The following LCORL variants were observed in gnomAD, a reference collection of about 807,000 sequenced individuals.
The protein encoded by LCORL is ligand dependent nuclear receptor corepressor like.
In LCORL, 41 loss-of-function variants were observed where a neutral mutation model predicts 141.8. The ratio of observed to expected loss-of-function variants is 0.29; its 90% CI spans 0.23 to 0.38. The LOEUF (loss-of-function observed/expected upper bound fraction) is 0.38, where lower values mean the gene tolerates loss of function less well. LCORL is among the 10% of genes least tolerant of loss of function. LCORL has a pLI of 1.00. For missense variants in LCORL, 1,759 were observed against 2,035.0 expected (o/e 0.86, Z 2.61); for synonymous variants, 618 against 694.1 (o/e 0.89, Z 1.72).
chr4:17,888,081 G>A (rs1248519740), intron 5 of LCORL, among the ~76,000 whole-genome samples: 4 of 152,026 alleles, frequency 2.6e-5, no homozygotes, highest in Non-Finnish European at 5.9e-5. Context: ...ACCAGTGCTA[G>A]CCACAGACTA....
At chr4:17,867,007 G>C (rs903969680) in intron 7 of LCORL, 1 of 984,762 alleles carries the variant, frequency 1.0e-6, no homozygotes, top group African/African-American at 1.7e-5. Flanking sequence ...ACCTCAGATA[G>C]AGAAAGCAGG....
At chr4:18,000,184 A>C (rs746607235) in intron 1 of LCORL, among the ~76,000 whole-genome samples, 26 of 151,284 alleles carry the variant, frequency 1.7e-4, no homozygotes, top group Admixed American at 5.3e-4. Flanking sequence ...TTCACTCAAC[A>C]AATATTTATG....
At chr4:18,019,459 C>T (rs1029471335) in intron 1 of LCORL, among the ~76,000 whole-genome samples, 6 of 152,258 alleles carry the variant, frequency 3.9e-5, no homozygotes, top group Middle Eastern at 3.4e-3. Context: ...TTTTCACATA[C>T]GATACAATGT....
At chr4:17,873,015 G>A (rs1726537611) in intron 7 of LCORL, among the ~76,000 whole-genome samples, 2 of 151,908 alleles carry the variant, frequency 1.3e-5, no homozygotes, top group Non-Finnish European at 2.9e-5. Context: ...TTTATAGTGT[G>A]GTACTTAATT....
intron 6 of LCORL, among the ~76,000 whole-genome samples, chr4:17,879,580 T>C (rs916075472): frequency 6.6e-6 from 1 of 151,088 alleles, no homozygotes; most frequent in East Asian, 1.9e-4. Flanking sequence ...AACTTTGTCA[T>C]GGTTGGGAGT....
At chr4:17,951,251 T>C in intron 4 of LCORL, among the ~76,000 whole-genome samples, 1 of 152,234 alleles carries the variant, frequency 6.6e-6, no homozygotes, top group Non-Finnish European at 1.5e-5. Context: ...CATTATTTCG[T>C]TATTTGTTTA....
At chr4:17,886,138 T>C (rs1296478953) in exon 6 of LCORL, 2 of 1,602,066 alleles carry the variant, frequency 1.2e-6, no homozygotes, top group Non-Finnish European at 8.5e-7. Context: ...GTTTTCTTTG[T>C]AGAGAGATCT....
chr4:17,982,538 T>C (rs906522046), intron 1 of LCORL, among the ~76,000 whole-genome samples: 2 of 152,238 alleles, frequency 1.3e-5, no homozygotes, highest in African/African-American at 4.8e-5. Flanking sequence ...ATACTGAGCT[T>C]GTTTTCATAT....
In LCORL at chr4:17,894,902, T is replaced by G. The variant is rs1560302952; in HGVS notation, c.683-8741A>C. 2.0e-5 allele frequency among the ~76,000 whole-genome samples: 3 copies of G among 152,118 alleles called. No individual in the cohort carries two copies. The East Asian group carries it at 5.8e-4, about 29-fold the overall frequency. ...GTGAAGTGACATATCACGAGGTACATAAAGTCTATTTTCAATGATGCTCAA... is the reference window on the plus strand; with the variant it reads ...GTGAAGTGACATATCACGAGGTACAGAAAGTCTATTTTCAATGATGCTCAA... On this transcript the variant is annotated intron_variant, in intron 5 of 7. Coordinates refer to ENST00000635767, the Ensembl canonical transcript of LCORL.
intron 6 of LCORL, among the ~76,000 whole-genome samples, chr4:17,879,979 T>G (rs1727347529): frequency 6.6e-6 from 1 of 151,128 alleles, no homozygotes; most frequent in East Asian, 1.9e-4. Flanking sequence ...AATGTTATAA[T>G]ACCAACTTGA....
intron 5 of LCORL, among the ~76,000 whole-genome samples, chr4:17,893,852 G>A (rs964863047): frequency 2.0e-5 from 3 of 152,136 alleles, no homozygotes; most frequent in African/African-American, 7.2e-5. Context: ...AGGCTGGAGT[G>A]CAGTGGCATG....
intron 1 of LCORL, among the ~76,000 whole-genome samples, chr4:18,011,429 T>A (rs111462620): frequency 0.042 from 5,610 of 134,186 alleles, 137 homozygotes; most frequent in African/African-American, 0.075. Context: ...TTACCCATTT[T>A]AAAAAAAAAA....
intron 5 of LCORL, among the ~76,000 whole-genome samples, chr4:17,895,710 C>T (rs138489843): frequency 3.2e-4 from 48 of 152,300 alleles, no homozygotes; most frequent in African/African-American, 1.1e-3. Flanking sequence ...CTCCCTTGTC[C>T]TATGACTCCT....
chr4:18,010,881 A>C (rs556971659), intron 1 of LCORL, among the ~76,000 whole-genome samples: 1 of 152,286 alleles, frequency 6.6e-6, no homozygotes, highest in African/African-American at 2.4e-5. Flanking sequence ...TGATTGTTAC[A>C]ATACCTTTCC....
chr4:17,909,113 T>C, exon 5 of LCORL: 1 of 1,598,920 alleles, frequency 6.3e-7, no homozygotes, highest in African/African-American at 1.3e-5. Flanking sequence ...TATTTTGTTC[T>C]TGCATTCGAT....
intron 4 of LCORL, among the ~76,000 whole-genome samples, chr4:17,936,736 C>A (rs546288182): frequency 1.3e-5 from 2 of 152,122 alleles, no homozygotes; most frequent in Non-Finnish European, 2.9e-5. Flanking sequence ...GCATCACTTT[C>A]CTTTTCATGT....
At chr4:17,905,748 G>A (rs147501727) in intron 5 of LCORL, among the ~76,000 whole-genome samples, 328 of 151,976 alleles carry the variant, frequency 2.2e-3, no homozygotes, top group African/African-American at 7.3e-3. Flanking sequence ...TTTGAATAAA[G>A]CAACTCACCA....
intron 1 of LCORL, among the ~76,000 whole-genome samples, chr4:17,988,391 C>A (rs546692260): frequency 1.1e-3 from 172 of 152,234 alleles, no homozygotes; most frequent in African/African-American, 4.1e-3. Context: ...CCTGATCCAG[C>A]CTCCTGAGTA....
At chr4:18,014,517 A>G (rs1724310700) in intron 1 of LCORL, among the ~76,000 whole-genome samples, 1 of 152,208 alleles carries the variant, frequency 6.6e-6, no homozygotes, top group Non-Finnish European at 1.5e-5. Flanking sequence ...GATACTGTAA[A>G]GAAAGTAATA....
Sources: gnomAD v4.1 joint callset for allele counts (sites outside exome capture counted in the v4.1 genomes callset) on GRCh38, gnomAD v4.1.1 for gene constraint, MANE v1.5 for transcripts, NCBI Gene and HGNC (gene_info 2026-07-23, HGNC 2026-07-21) for gene names.